TBX15: variants seen among roughly 807,000 people sequenced by gnomAD.
TBX15 encodes the protein T-box transcription factor 15.
In TBX15, 18 loss-of-function variants were observed where a neutral mutation model predicts 53.9. The observed-to-expected ratio is 0.33, with a 90% CI of 0.23 to 0.49. The LOEUF (loss-of-function observed/expected upper bound fraction) is 0.49. Among genes scored for constraint, TBX15 ranks in the 20% least tolerant of loss-of-function variants. TBX15 has a pLI of 0.98. For synonymous variants in TBX15, 295 were observed against 278.0 expected (o/e 1.06, Z -0.61); for missense variants, 692 against 749.5 (o/e 0.92, Z 0.90).
intron 6 of TBX15, among the ~76,000 whole-genome samples, chr1:118,911,674 G>A (rs1461294831): frequency 3.3e-5 from 5 of 152,152 alleles, no homozygotes; most frequent in Non-Finnish European, 7.3e-5. Flanking sequence ...CTACTTTTCT[G>A]TTCTAAATCA....
chr1:118,939,801 G>T (rs535146019), intron 1 of TBX15, among the ~76,000 whole-genome samples: 2 of 151,980 alleles, frequency 1.3e-5, no homozygotes, highest in Admixed American at 6.5e-5. Context: ...TAGTGATCCA[G>T]CATGCTTTGA....
chr1:118,907,811 C>G (rs1654889665), intron 6 of TBX15, among the ~76,000 whole-genome samples: 1 of 152,156 alleles, frequency 6.6e-6, no homozygotes, highest in Non-Finnish European at 1.5e-5. Context: ...GGTGTCCTTT[C>G]TCAACCAAAC....
chr1:118,944,895 C>A (rs549957178), intron 1 of TBX15, among the ~76,000 whole-genome samples: 1 of 152,194 alleles, frequency 6.6e-6, no homozygotes, highest in Non-Finnish European at 1.5e-5. Flanking sequence ...GCGATTCGAG[C>A]ACTCCTCTTC....
chr1:118,926,137 C>T (rs1419286), intron 3 of TBX15, among the ~76,000 whole-genome samples: 92,950 of 152,088 alleles, frequency 0.61, 28,550 homozygotes, highest in East Asian at 0.79. Context: ...TTTAATATGC[C>T]TTATTGTTCC....
chr1:118,928,330 T>A (rs1399179650), intron 2 of TBX15, among the ~76,000 whole-genome samples: 1 of 152,212 alleles, frequency 6.6e-6, no homozygotes, highest in Non-Finnish European at 1.5e-5. Context: ...CTAGGATATA[T>A]TATCATTTAA....
chr1:118,939,843 C>G (rs1427526616), intron 1 of TBX15, among the ~76,000 whole-genome samples: 1 of 151,838 alleles, frequency 6.6e-6, no homozygotes, highest in African/African-American at 2.4e-5. Context: ...AGAGAAGTAG[C>G]AAGTACTGTA....
chr1:118,950,848 T>G (rs771414779), intron 1 of TBX15, among the ~76,000 whole-genome samples: 1 of 152,188 alleles, frequency 6.6e-6, no homozygotes, highest in Non-Finnish European at 1.5e-5. Context: ...ACAGTTCTCA[T>G]CGAAGGATCA....
At chr1:118,913,346 T>G (rs540536826) in intron 6 of TBX15, among the ~76,000 whole-genome samples, 3 of 152,330 alleles carry the variant, frequency 2.0e-5, no homozygotes, top group East Asian at 3.9e-4. Flanking sequence ...ATTTTCTGAT[T>G]GAATAATCTT....
At chr1:118,913,570 T>C (rs1195994241) in intron 6 of TBX15, among the ~76,000 whole-genome samples, 2 of 152,172 alleles carry the variant, frequency 1.3e-5, no homozygotes, top group African/African-American at 2.4e-5. Flanking sequence ...AACCTAGTCA[T>C]AGTGACTGAG....
In TBX15 at chr1:118,921,461, A is replaced by C. The variant is rs540187987; in HGVS notation, c.861+1975T>G. ...AATCATGCAGAAAAAAAGAAGGATA[A>C]ATTAGAATTCCAGAGCTTTCAGGGA... On this transcript the variant is annotated intron_variant, in intron 5 of 7. Transcript: ENST00000369429. 2.0e-5 allele frequency among the ~76,000 whole-genome samples: 3 copies of C among 152,312 alleles called. No homozygotes were observed. The South Asian group carries it at 6.2e-4, about 32-fold the overall frequency.
intron 1 of TBX15, among the ~76,000 whole-genome samples, chr1:118,984,379 C>G (rs1657749601): frequency 6.6e-6 from 1 of 152,250 alleles, no homozygotes; most frequent in Non-Finnish European, 1.5e-5. Context: ...GCGGGAGACC[C>G]GGCTTCGGCA....
chr1:118,961,404 G>C (rs572919802), intron 1 of TBX15, among the ~76,000 whole-genome samples: 30 of 152,236 alleles, frequency 2.0e-4, no homozygotes, highest in Admixed American at 1.2e-3. Flanking sequence ...CTACAGTCTC[G>C]ATGTTTGCAA....
intron 1 of TBX15, among the ~76,000 whole-genome samples, chr1:118,957,364 G>T (rs940635914): frequency 6.6e-6 from 1 of 152,180 alleles, no homozygotes; most frequent in Non-Finnish European, 1.5e-5. Context: ...TTTCTCTAGG[G>T]CAGGACCAGG....
chr1:118,970,580 G>A (rs1657204629), intron 1 of TBX15, among the ~76,000 whole-genome samples: 3 of 152,234 alleles, frequency 2.0e-5, no homozygotes, highest in South Asian at 4.1e-4. Context: ...AAATAGCAAA[G>A]TGAGGCTGTT....
chr1:118,931,941 A>G, intron 1 of TBX15, 109 bp from the exon 2 acceptor site: 1 of 1,036,152 alleles, frequency 9.7e-7, no homozygotes. Context: ...AGGGGTAAAC[A>G]AAAGGAGACT....
At chr1:118,973,229 A>C (rs563470931) in intron 1 of TBX15, among the ~76,000 whole-genome samples, 3 of 152,324 alleles carry the variant, frequency 2.0e-5, no homozygotes, top group African/African-American at 7.2e-5. Flanking sequence ...CAGCCAGAAG[A>C]GTTGCTCAAA....
intron 1 of TBX15, among the ~76,000 whole-genome samples, chr1:118,979,186 T>C (rs1472694993): frequency 6.7e-6 from 1 of 150,184 alleles, no homozygotes; most frequent in Non-Finnish European, 1.5e-5. Flanking sequence ...GCTTTTACAC[T>C]TGGTTGGTTT....
chr1:118,961,192 CTG>C (rs1656861222), intron 1 of TBX15, among the ~76,000 whole-genome samples: 1 of 152,208 alleles, frequency 6.6e-6, no homozygotes, highest in Non-Finnish European at 1.5e-5. Flanking sequence ...GCCCCATACT[CTG>C]TTCATATTCT....
intron 1 of TBX15, among the ~76,000 whole-genome samples, chr1:118,942,054 A>G (rs1656194379): frequency 6.6e-6 from 1 of 152,226 alleles, no homozygotes; most frequent in African/African-American, 2.4e-5. Context: ...TTCAGATATT[A>G]TTATCTAAGA....
Sources: gnomAD v4.1 joint callset for allele counts (sites outside exome capture counted in the v4.1 genomes callset) on GRCh38, gnomAD v4.1.1 for gene constraint, MANE v1.5 for transcripts, NCBI Gene and HGNC (gene_info 2026-07-23, HGNC 2026-07-21) for gene names.